The following THAP1 variants were observed in gnomAD, a reference collection of about 807,000 sequenced individuals.
The protein encoded by THAP1 is THAP domain-containing protein 1.
THAP1 carries 6 observed loss-of-function variants against 18.2 expected under a neutral mutation model. The ratio of observed to expected loss-of-function variants is 0.33; its 90% CI spans 0.18 to 0.65. The LOEUF is 0.65. Among genes scored for constraint, THAP1 ranks in the 30% least tolerant of loss-of-function variants. THAP1 has a pLI of 0.74. For missense variants in THAP1, 176 were observed against 253.0 expected (o/e 0.70, Z 2.06); for synonymous variants, 85 against 90.5 (o/e 0.94, Z 0.34).
rs1257431163 is a variant in THAP1 at position 42,838,391 on chromosome 8, G to GA, written c.268-56dup. The GA allele has an allele frequency of 9.4e-6, 15 of 1,600,696 alleles. No individual in the cohort carries two copies. The Admixed American group carries it at 2.0e-4, about 21-fold the overall frequency. ...TTTAGTAACTAAAAACAGTTTAAAA[G>GA]AATCTGTGGACTGACCAGGCGCAGT... On this transcript the variant is annotated intron_variant, in intron 2 of 2. Transcript: ENST00000254250.
At chr8:42,839,065 T>TG in intron 2 of THAP1, 121 bp downstream of exon 2, 1 of 1,051,084 alleles carries the variant, frequency 9.5e-7, no homozygotes, top group South Asian at 1.3e-5. Flanking sequence ...GTATCACTGT[T>TG]AACTACAAGG....
Position 42,837,917 on chromosome 8 carries a change from A to G in THAP1, c.*45T>C, listed in dbSNP as rs775747589. ...AAACTCCTTTACAGGCTAGAGGAGG[A>G]TATGTGGTATTGCCCCATTAGAAAT... is the stretch of plus-strand genomic sequence containing the variant. On this transcript the variant is annotated 3_prime_UTR_variant, in exon 3 of 3. Coordinates refer to ENST00000254250, the MANE Select transcript of THAP1 (RefSeq NM_018105.3). The G allele has an allele frequency of 2.5e-6, 4 of 1,601,536 alleles. No individual in the cohort carries two copies. The African/African-American group carries it at 4.0e-5, about 16-fold the overall frequency.
At chr8:42,841,059 C>A (rs1221981311) in intron 1 of THAP1, among the ~76,000 whole-genome samples, 2 of 151,180 alleles carry the variant, frequency 1.3e-5, no homozygotes, top group Non-Finnish European at 2.9e-5. Context: ...AAATTCAGTA[C>A]CTATGGCCTC....
chr8:42,839,634 G>A (rs973673268), intron 1 of THAP1, among the ~76,000 whole-genome samples: 7 of 152,026 alleles, frequency 4.6e-5, no homozygotes, highest in Middle Eastern at 3.2e-3. Flanking sequence ...CTGCGTCTCC[G>A]CCTCCCAGGT....
chr8:42,841,271 A>T (rs1802711508), intron 1 of THAP1, among the ~76,000 whole-genome samples: 1 of 150,294 alleles, frequency 6.7e-6, no homozygotes, highest in African/African-American at 2.4e-5. Flanking sequence ...TATCTGCTTA[A>T]CATCTAGCAG....
intron 1 of THAP1, among the ~76,000 whole-genome samples, chr8:42,840,871 G>C (rs1802703967): frequency 6.6e-6 from 1 of 150,964 alleles, no homozygotes; most frequent in Non-Finnish European, 1.5e-5. Context: ...GGAGGCTGAG[G>C]CAGGAGAATC....
At chr8:42,842,077 T>C (rs922047206) in intron 1 of THAP1, among the ~76,000 whole-genome samples, 2 of 152,248 alleles carry the variant, frequency 1.3e-5, no homozygotes, top group African/African-American at 4.8e-5. Flanking sequence ...CTATGGCTAA[T>C]CTGTATAGTT....
At chr8:42,838,833 G>A (rs1047536674) in intron 2 of THAP1, among the ~76,000 whole-genome samples, 3 of 152,148 alleles carry the variant, frequency 2.0e-5, no homozygotes, top group African/African-American at 7.2e-5. Flanking sequence ...GAGGGACGGT[G>A]CAGGAAAGAG....
intron 2 of THAP1, among the ~76,000 whole-genome samples, chr8:42,838,788 A>T (rs911221675): frequency 6.6e-6 from 1 of 152,222 alleles, no homozygotes; most frequent in Non-Finnish European, 1.5e-5. Context: ...ATGAGAAAAC[A>T]GTTTCAGTTT....
At position 42,837,910 on chromosome 8, in the gene THAP1, G is replaced by T. The variant is rs1802645069; in HGVS notation, c.*52C>A. ...TTAAATGAAACTCCTTTACAGGCTA[G>T]AGGAGGATATGTGGTATTGCCCCAT... On this transcript the variant is annotated 3_prime_UTR_variant, in exon 3 of 3. Transcript: ENST00000254250. 1.3e-6 allele frequency: 2 copies of T among 1,586,374 alleles called. No homozygotes were observed. The highest frequency in any genetic ancestry group is 4.5e-5 in the East Asian group (2 of 44,808).
At chr8:42,841,294 C>CTTTTTTTTT (rs775435611) in intron 1 of THAP1, among the ~76,000 whole-genome samples, 27 of 95,960 alleles carry the variant, frequency 2.8e-4, no homozygotes, top group Admixed American at 5.2e-4. Flanking sequence ...ACAGTTGTAT[C>CTTTTTTTTT]TTTTTTTTTT....
At chr8:42,841,542 G>A (rs1462456764) in intron 1 of THAP1, among the ~76,000 whole-genome samples, 2 of 152,062 alleles carry the variant, frequency 1.3e-5, no homozygotes, top group Non-Finnish European at 2.9e-5. Context: ...GCCCACCTTG[G>A]CCTCCCCAAG....
At position 42,837,851 on chromosome 8, in the gene THAP1, A is replaced by G; in HGVS notation, c.*111T>C. 8.4e-7 allele frequency: 1 copy of G among 1,194,870 alleles called. No individual in the cohort carries two copies. The highest frequency in any genetic ancestry group is 2.6e-5 in the East Asian group (1 of 38,828). 74.0% of individuals were successfully genotyped at this position (1,194,870 alleles called of 1,614,324 possible). A position where few individuals can be genotyped will look rare whatever the true frequency, so the allele number is the denominator to read the frequency against. On this transcript the variant is annotated 3_prime_UTR_variant, in exon 3 of 3. Coordinates refer to ENST00000254250, the MANE Select transcript of THAP1 (RefSeq NM_018105.3). ...AATTTTTTTTAAAAAAATATTCTGA[A>G]CTGTTTTTATATAAGTAATCAAATG...
chr8:42,838,963 G>A (rs191313881), intron 2 of THAP1, among the ~76,000 whole-genome samples: 25 of 152,280 alleles, frequency 1.6e-4, no homozygotes, highest in African/African-American at 5.8e-4. Context: ...TGGCAGTACA[G>A]AGTGGTTTTT....
At chr8:42,840,613 A>G (rs1802698619) in intron 1 of THAP1, among the ~76,000 whole-genome samples, 2 of 152,164 alleles carry the variant, frequency 1.3e-5, no homozygotes, top group African/African-American at 4.8e-5. Flanking sequence ...TTTTCTTTGT[A>G]CGACATAGCA....
In THAP1 at chr8:42,839,400, T is replaced by TC; in HGVS notation, c.72-20dup. The TC allele has an allele frequency of 1.2e-6, 2 of 1,613,428 alleles. No individual in the cohort carries two copies. On this transcript the variant is annotated intron_variant, in intron 1 of 2. Coordinates refer to ENST00000254250, the MANE Select transcript of THAP1 (RefSeq NM_018105.3). ...AGGAAACCTAAGAAGAAGGCATAAT[T>TC]CAATTATCTGTCCTGATTTTTTAAA...
intron 1 of THAP1, chr8:42,842,438 A>G (rs1438752900): frequency 6.6e-6 from 1 of 152,142 alleles, no homozygotes; most frequent in Admixed American, 6.5e-5. Flanking sequence ...GTAACTGTCC[A>G]TATTATCATT....
chr8:42,837,923 G>T lies in THAP1; in HGVS notation c.*39C>A. 2 of 1,602,640 alleles carry T rather than the reference G, an allele frequency of 1.2e-6. No individual in the cohort carries two copies. The highest frequency in any genetic ancestry group is 2.2e-5 in the South Asian group (2 of 90,622). On this transcript the variant is annotated 3_prime_UTR_variant, in exon 3 of 3. Coordinates refer to ENST00000254250, the MANE Select transcript of THAP1 (RefSeq NM_018105.3). Reference sequence around the variant, plus strand: ...CTTTACAGGCTAGAGGAGGATATGTGGTATTGCCCCATTAGAAATCAATAC... The same window carrying T: ...CTTTACAGGCTAGAGGAGGATATGTTGTATTGCCCCATTAGAAATCAATAC...
intron 1 of THAP1, 173 bp downstream of exon 1, chr8:42,842,851 G>A: frequency 3.1e-6 from 1 of 321,442 alleles, no homozygotes; most frequent in Non-Finnish European, 4.8e-6. Context: ...CGCCGAGAAC[G>A]CGCGATCGGG....
Sources: gnomAD v4.1 joint callset for allele counts (sites outside exome capture counted in the v4.1 genomes callset) on GRCh38, gnomAD v4.1.1 for gene constraint, MANE v1.5 for transcripts, NCBI Gene and HGNC (gene_info 2026-07-23, HGNC 2026-07-21) for gene names.